Variants in CALN1 observed in about 807,000 individuals in gnomAD.
CALN1 encodes the protein calneuron 1.
A neutral mutation model predicts 30.6 loss-of-function variants in CALN1; 17 were observed. The observed-to-expected ratio is 0.56, with a 90% CI of 0.38 to 0.83. The LOEUF (loss-of-function observed/expected upper bound fraction) is 0.83, where lower values mean the gene tolerates loss of function less well. CALN1 is among the 40% of genes least tolerant of loss of function. CALN1 has a pLI of 0.00. For synonymous variants in CALN1, 156 were observed against 131.4 expected (o/e 1.19, Z -1.28); for missense variants, 291 against 354.9 (o/e 0.82, Z 1.45).
At chr7:72,475,829 G>C in the CALN1 span, among the ~76,000 whole-genome samples, 4 of 152,074 alleles carry the variant, frequency 2.6e-5, no homozygotes, top group Non-Finnish European at 5.9e-5. Flanking sequence ...TTGAATCATA[G>C]GGGCCGGTCT....
At chr7:72,144,284 T>C (rs904785548) in intron 3 of CALN1, among the ~76,000 whole-genome samples, 13 of 152,186 alleles carry the variant, frequency 8.5e-5, no homozygotes, top group African/African-American at 3.1e-4. Flanking sequence ...GAGGAAGATC[T>C]ACCAAGCAAA....
At chr7:72,167,388 A>C (rs1466571006) in intron 3 of CALN1, among the ~76,000 whole-genome samples, 1 of 152,206 alleles carries the variant, frequency 6.6e-6, no homozygotes, top group Non-Finnish European at 1.5e-5. Flanking sequence ...TCTGTTGCCC[A>C]GCTTGGAATA....
chr7:71,901,603 G>A (rs2116944431), intron 5 of CALN1, among the ~76,000 whole-genome samples: 1 of 152,006 alleles, frequency 6.6e-6, no homozygotes, highest in Middle Eastern at 3.4e-3. Context: ...TAGAGAACCT[G>A]GAAATAAAGT....
At chr7:72,406,613 A>G (rs1338133478) in intron 1 of CALN1, among the ~76,000 whole-genome samples, 2 of 74,980 alleles carry the variant, frequency 2.7e-5, no homozygotes, top group Admixed American at 2.9e-4. Flanking sequence ...GGTCCTTGTC[A>G]GCTTTTTTTT....
intron 4 of CALN1, among the ~76,000 whole-genome samples, chr7:72,063,192 A>G (rs1340768960): frequency 6.6e-6 from 1 of 152,336 alleles, no homozygotes; most frequent in South Asian, 2.1e-4. Flanking sequence ...ATGAATTTAC[A>G]CGTGTTAAAA....
chr7:71,938,979 G>A lies in CALN1; in HGVS notation c.501+84678C>T, dbSNP rs186603873. Among the ~76,000 whole-genome samples the A allele has an allele frequency of 1.8e-3, 270 of 152,090 alleles. 2 individuals carry two copies. Among genetic ancestry groups the A allele is most frequent in the Non-Finnish European group, 1.9e-3 (127 of 68,008 alleles). On this transcript the variant is annotated intron_variant, in intron 5 of 6. Coordinates refer to ENST00000395275, the MANE Select transcript of CALN1 (RefSeq NM_031468.4). ...ATTCAATGCATTCAGTCATCAGGAT[G>A]ATTGAATGATTGAATGAATGAATGA...
the CALN1 span, among the ~76,000 whole-genome samples, chr7:72,487,900 AAG>A: frequency 1.4e-5 from 1 of 69,030 alleles, no homozygotes; most frequent in South Asian, 4.7e-4. Context: ...AAAAGAAAGA[AAG>A]AAAGAAAGAA....
At chr7:72,271,563 T>TAA (rs1426004146) in intron 3 of CALN1, among the ~76,000 whole-genome samples, 1 of 76,306 alleles carries the variant, frequency 1.3e-5, no homozygotes, top group Admixed American at 1.4e-4. Flanking sequence ...TGCCTGCCTT[T>TAA]TAAAAAAAAA....
At chr7:71,949,704 A>T (rs1796591726) in intron 5 of CALN1, among the ~76,000 whole-genome samples, 2 of 151,676 alleles carry the variant, frequency 1.3e-5, no homozygotes, top group South Asian at 2.1e-4. Context: ...AACCCCAAAA[A>T]ATTCTGTAAC....
intron 5 of CALN1, among the ~76,000 whole-genome samples, chr7:71,892,849 G>T (rs1272631634): frequency 2.6e-5 from 4 of 152,048 alleles, no homozygotes; most frequent in African/African-American, 9.7e-5. Flanking sequence ...TAACAAAACA[G>T]CTAACTCTCT....
intron 5 of CALN1, among the ~76,000 whole-genome samples, chr7:71,987,803 T>C (rs1396682354): frequency 1.3e-5 from 2 of 152,214 alleles, no homozygotes; most frequent in African/African-American, 4.8e-5. Flanking sequence ...CTCTTTTTTA[T>C]TGTCTCTAAG....
At chr7:72,447,575 C>T (rs1808567396), upstream of CALN1, among the ~76,000 whole-genome samples, 1 of 152,168 alleles carries the variant, frequency 6.6e-6, no homozygotes, top group Non-Finnish European at 1.5e-5. Context: ...AGTGGGAAAC[C>T]TGGTCTGTAC....
Position 72,250,223 on chromosome 7 carries a change from T to C in CALN1, c.244+28463A>G, listed in dbSNP as rs182636189. ...AAATAAGCCTGGGATCTAAATAAGA[T>C]GATTAGGAGAGGCTGAACTGTGAGA... On this transcript the variant is annotated intron_variant, in intron 3 of 6. Coordinates refer to ENST00000395275, the MANE Select transcript of CALN1 (RefSeq NM_031468.4). Among the ~76,000 whole-genome samples the C allele has an allele frequency of 2.2e-3, 342 of 152,304 alleles. 3 individuals carry two copies. Among genetic ancestry groups the C allele is most frequent in the Admixed American group, 0.021 (320 of 15,298 alleles).
At chr7:72,308,536 C>CGAAT (rs549476255) in intron 2 of CALN1, among the ~76,000 whole-genome samples, 16 of 152,074 alleles carry the variant, frequency 1.1e-4, no homozygotes, top group Non-Finnish European at 1.3e-4. Flanking sequence ...GCTGAATGCA[C>CGAAT]GAATGAATGA....
chr7:71,818,954 C>T (rs867418204), intron 5 of CALN1, among the ~76,000 whole-genome samples: 10 of 151,832 alleles, frequency 6.6e-5, no homozygotes, highest in South Asian at 2.1e-4. Flanking sequence ...GTGATCTGCC[C>T]GCCTCAGCCT....
intron 5 of CALN1, among the ~76,000 whole-genome samples, chr7:71,889,554 G>A (rs1372068403): frequency 2.0e-5 from 3 of 152,076 alleles, no homozygotes; most frequent in East Asian, 1.9e-4. Context: ...GAAAGGCCCC[G>A]CCTCCAAATC....
At chr7:72,186,924 T>C (rs1303081740) in intron 3 of CALN1, among the ~76,000 whole-genome samples, 1 of 150,944 alleles carries the variant, frequency 6.6e-6, no homozygotes, top group Non-Finnish European at 1.5e-5. Flanking sequence ...GAATGATTTC[T>C]TTTCCTTTGG....
intron 3 of CALN1, among the ~76,000 whole-genome samples, chr7:72,176,491 G>A (rs1050258374): frequency 6.6e-6 from 1 of 152,056 alleles, no homozygotes; most frequent in African/African-American, 2.4e-5. Flanking sequence ...CCTTGATAAT[G>A]AGATCTGGTT....
intron 4 of CALN1, among the ~76,000 whole-genome samples, chr7:72,081,814 C>T (rs2129538816): frequency 6.6e-6 from 1 of 152,248 alleles, no homozygotes; most frequent in Non-Finnish European, 1.5e-5. Flanking sequence ...ACCCCAGATA[C>T]CTCTGCTGAG....
Sources: gnomAD v4.1 joint callset for allele counts (sites outside exome capture counted in the v4.1 genomes callset) on GRCh38, gnomAD v4.1.1 for gene constraint, MANE v1.5 for transcripts, NCBI Gene and HGNC (gene_info 2026-07-23, HGNC 2026-07-21) for gene names.